The following C5orf63 variants were observed in gnomAD, a reference collection of about 807,000 sequenced individuals.
C5orf63 encodes the protein glutaredoxin-like protein C5orf63.
Under a neutral mutation model 13.3 loss-of-function variants are expected in C5orf63, and 18 were observed. That is an observed-to-expected ratio of 1.36 (90% CI 0.94 to 2.01). C5orf63 has a LOEUF of 2.01. Among genes scored for constraint, C5orf63 ranks in the 30% most tolerant of loss-of-function variants. C5orf63 has a pLI of 0.00. For synonymous variants in C5orf63, 38 were observed against 44.7 expected, an observed-to-expected ratio of 0.85 and a Z score of 0.60; for missense variants, 118 against 127.7, an observed-to-expected ratio of 0.92 and a Z score of 0.36.
chr5:127,049,611 A>G (rs1213717233), downstream of C5orf63, among the ~76,000 whole-genome samples: 1 of 152,164 alleles, frequency 6.6e-6, no homozygotes, highest in Non-Finnish European at 1.5e-5. Flanking sequence ...AAGGACTATG[A>G]TTTATTCATT....
intron 1 of C5orf63, among the ~76,000 whole-genome samples, chr5:127,072,246 C>T (rs1754572217): frequency 6.6e-6 from 1 of 152,216 alleles, no homozygotes; most frequent in African/African-American, 2.4e-5. Context: ...ATATTTCACA[C>T]AGAACCATGA....
At chr5:127,062,755 T>C (rs897675382) in intron 2 of C5orf63, among the ~76,000 whole-genome samples, 1 of 152,192 alleles carries the variant, frequency 6.6e-6, no homozygotes, top group Non-Finnish European at 1.5e-5. Context: ...ATTAGTTCTA[T>C]TATTTTTGAA....
intron 2 of C5orf63, among the ~76,000 whole-genome samples, chr5:127,060,227 A>G (rs55807699): frequency 0.03 from 4,519 of 152,292 alleles, 190 homozygotes; most frequent in African/African-American, 0.096. Context: ...GTCAGAAAAA[A>G]AAATCTACTC....
intron 3 of C5orf63, among the ~76,000 whole-genome samples, chr5:127,057,251 T>C (rs1753919412): frequency 6.6e-6 from 1 of 152,186 alleles, no homozygotes; most frequent in Non-Finnish European, 1.5e-5. Context: ...TTAAAACTCA[T>C]TAAACTTTGT....
chr5:127,062,810 C>A (rs1442821200), intron 2 of C5orf63, among the ~76,000 whole-genome samples: 1 of 152,096 alleles, frequency 6.6e-6, no homozygotes, highest in Non-Finnish European at 1.5e-5. Context: ...ATGGTCTCTG[C>A]CTGTTAGCTC....
At chr5:127,053,951 T>G (rs1433425857) in intron 3 of C5orf63, among the ~76,000 whole-genome samples, 1 of 152,202 alleles carries the variant, frequency 6.6e-6, no homozygotes, top group Non-Finnish European at 1.5e-5. Flanking sequence ...TATAATTGGC[T>G]TATCATGTTA....
chr5:127,070,127 G>GA (rs1192550631), intron 2 of C5orf63, among the ~76,000 whole-genome samples: 1 of 152,120 alleles, frequency 6.6e-6, no homozygotes, highest in African/African-American at 2.4e-5. Flanking sequence ...CTCAGTTTCA[G>GA]ACAGTAGAAT....
At chr5:127,059,105 G>GTCC (rs1181541598) in intron 2 of C5orf63, 103 bp from the exon 3 acceptor site, 2 of 754,896 alleles carry the variant, frequency 2.6e-6, no homozygotes, top group Admixed American at 5.0e-5. Context: ...GCGGGCTTCA[G>GTCC]AATTGTTTCT....
At chr5:127,050,086 C>T (rs992674443), downstream of C5orf63, among the ~76,000 whole-genome samples, 1 of 152,138 alleles carries the variant, frequency 6.6e-6, no homozygotes, top group Admixed American at 6.5e-5. Context: ...AGAGAGAATT[C>T]TCTGCTTTTA....
intron 1 of C5orf63, among the ~76,000 whole-genome samples, chr5:127,072,565 T>C (rs1251549810): frequency 1.3e-5 from 2 of 152,130 alleles, no homozygotes; most frequent in Non-Finnish European, 2.9e-5. Flanking sequence ...TATTGGGATA[T>C]AACAGATCTT....
chr5:127,058,826 T>C, intron 3 of C5orf63, 56 bp downstream of exon 3: 1 of 1,165,708 alleles, frequency 8.6e-7, no homozygotes, highest in South Asian at 1.3e-5. Context: ...ACTTTGTCCC[T>C]TTTTCTTAAA....
rs1580526031 is a variant in C5orf63 at position 127,054,085 on chromosome 5, A to G, written c.115-1416T>C. Among the ~76,000 whole-genome samples the G allele has an allele frequency of 2.6e-5, 4 of 152,334 alleles. No homozygotes were observed. In the South Asian group the frequency reaches 8.3e-4, roughly 32 times the overall value. ...ATCTTAAAAGCAAAAAAACCCAAGA[A>G]CATGCTAAATTACAGAAGTACCAAA... On this transcript the variant is annotated intron_variant, in intron 3 of 4. Coordinates refer to ENST00000296662, the MANE Select transcript of C5orf63 (RefSeq NM_001164478.2).
intron 2 of C5orf63, among the ~76,000 whole-genome samples, chr5:127,069,130 T>A (rs1312796889): frequency 6.6e-6 from 1 of 152,230 alleles, no homozygotes; most frequent in African/African-American, 2.4e-5. Flanking sequence ...ATATCATACA[T>A]GAGGCCTTAA....
At chr5:127,060,693 A>G (rs906323505) in intron 2 of C5orf63, among the ~76,000 whole-genome samples, 4 of 152,138 alleles carry the variant, frequency 2.6e-5, no homozygotes, top group Admixed American at 6.5e-5. Flanking sequence ...TGTATACCCA[A>G]TATCATTTCT....
chr5:127,059,166 T>C (rs190016456), intron 2 of C5orf63, among the ~76,000 whole-genome samples, 164 bp from the exon 3 acceptor site: 2 of 152,354 alleles, frequency 1.3e-5, no homozygotes, highest in Non-Finnish European at 2.9e-5. Context: ...GTCTCTCTGA[T>C]GCCTCAACAT....
chr5:127,056,877 C>T (rs1318518922), intron 3 of C5orf63, among the ~76,000 whole-genome samples: 3 of 152,326 alleles, frequency 2.0e-5, no homozygotes, highest in Non-Finnish European at 4.4e-5. Context: ...ATTTACTTCA[C>T]TGGATTATAA....
At chr5:127,053,745 C>T (rs1049713017) in intron 3 of C5orf63, among the ~76,000 whole-genome samples, 1 of 152,182 alleles carries the variant, frequency 6.6e-6, no homozygotes, top group Non-Finnish European at 1.5e-5. Context: ...CATCCATGTA[C>T]CTACAAAGGA....
chr5:127,052,711 T>C (rs1580524886), intron 3 of C5orf63, 42 bp from the exon 4 acceptor site: 1 of 1,435,352 alleles, frequency 7.0e-7, no homozygotes, highest in South Asian at 1.5e-5. Flanking sequence ...ACCCAAAGAA[T>C]GGCATTTGCC....
downstream of C5orf63, chr5:127,043,940 G>C (rs922345853): frequency 2.6e-5 from 4 of 152,202 alleles, no homozygotes; most frequent in Non-Finnish European, 4.4e-5. Context: ...TTAGTGGCCA[G>C]GCCACGGGTT....
Sources: gnomAD v4.1 joint callset for allele counts (sites outside exome capture counted in the v4.1 genomes callset) on GRCh38, gnomAD v4.1.1 for gene constraint, MANE v1.5 for transcripts, NCBI Gene and HGNC (gene_info 2026-07-23, HGNC 2026-07-21) for gene names.